Variants in TBC1D16 observed in about 807,000 individuals in gnomAD.
TBC1D16 encodes the protein TBC1 domain family member 16, also known as CTD-2529O21.1.
A neutral mutation model predicts 74.7 loss-of-function variants in TBC1D16; 58 were observed. That is an observed-to-expected ratio of 0.78 (90% CI 0.63 to 0.97). The LOEUF (loss-of-function observed/expected upper bound fraction) is 0.97, where lower values mean the gene tolerates loss of function less well. TBC1D16 is among the 50% of genes least tolerant of loss of function. The pLI is 0.00. For synonymous variants in TBC1D16, 493 were observed against 474.7 expected, an observed-to-expected ratio of 1.04 and a Z score of -0.50; for missense variants, 1,014 against 1,079.5, an observed-to-expected ratio of 0.94 and a Z score of 0.85.
chr17:79,969,151 C>T (rs1220312145), intron 3 of TBC1D16, among the ~76,000 whole-genome samples: 1 of 152,144 alleles, frequency 6.6e-6, no homozygotes, highest in Non-Finnish European at 1.5e-5. Context: ...CTTTGGGAGG[C>T]CAAGGTGGGC....
Position 79,940,943 on chromosome 17 carries a change from C to A in TBC1D16, c.2220G>T (p.Thr740=), listed in dbSNP as rs773468374. 1 of 1,598,464 alleles carries A rather than the reference C, an allele frequency of 6.3e-7. No individual in the cohort carries two copies. The highest frequency in any genetic ancestry group is 1.1e-5 in the South Asian group (1 of 88,990). ...GGGACTTGGGGGAAGGCATCTCCAC[C>A]GTGCCCCCGTAGGGACAGCTCTCCG... ...PGSESCPYGG[T]VEMPSPKSLR... is the part of the protein sequence containing the mutation. The change falls in exon 12 of 12, where the codon ACG becomes ACT. Residue 740 remains threonine, a synonymous_variant. Coordinates refer to ENST00000310924, the MANE Select transcript of TBC1D16 (RefSeq NM_019020.4). The surrounding 1 kb of genome is among the most constrained non-coding windows in gnomAD (Gnocchi z 5.4).
chr17:80,024,654 T>TACCACACACC (rs1568648898), intron 1 of TBC1D16, among the ~76,000 whole-genome samples: 6 of 5,962 alleles, frequency 1.0e-3, no homozygotes, highest in South Asian at 3.3e-3. Flanking sequence ...ACCATAGACA[T>TACCACACACC]ACACACCATA....
chr17:79,960,170 A>C (rs1364473276), intron 3 of TBC1D16, among the ~76,000 whole-genome samples: 4 of 152,184 alleles, frequency 2.6e-5, no homozygotes, highest in Non-Finnish European at 5.9e-5. Context: ...TATTTGCCAA[A>C]TGCTTATATG....
rs2031838269 is a variant in TBC1D16 at position 79,939,825 on chromosome 17, A to G, written c.*1034T>C. 1.3e-5 allele frequency: 2 copies of G among 152,186 alleles called. No homozygotes were observed. Among genetic ancestry groups the G allele is most frequent in the Admixed American group, 6.5e-5 (1 of 15,282 alleles). 9.4% of individuals were successfully genotyped at this position (152,186 alleles called of 1,614,324 possible). A position where few individuals can be genotyped will look rare whatever the true frequency, so the allele number is the denominator to read the frequency against. ...GACCACCTGAGAAGCTGACTTACAT[A>G]TCTGAGTTCACAGGTCCTGAAGGGA... On this transcript the variant is annotated 3_prime_UTR_variant, in exon 12 of 12. Transcript: ENST00000310924.
chr17:79,940,010 C>T lies in TBC1D16; in HGVS notation c.*849G>A, dbSNP rs2031850803. 6.6e-6 allele frequency: 1 copy of T among 152,194 alleles called. No homozygotes were observed. The highest frequency in any genetic ancestry group is 6.5e-5 in the Admixed American group (1 of 15,278). The allele number at this position is 152,194 out of a possible 1,614,324, so 9.4% of individuals were successfully genotyped here. A position where few individuals can be genotyped will look rare whatever the true frequency, so the allele number is the denominator to read the frequency against. ...GCATGCACGCAGGGACACACGCACA[C>T]ATCGACCCATTCAAGCCCCAGCTGG... On this transcript the variant is annotated 3_prime_UTR_variant, in exon 12 of 12. Transcript: ENST00000310924. The surrounding 1 kb of genome is among the most constrained non-coding windows in gnomAD (Gnocchi z 5.4).
At chr17:79,968,138 G>A (rs1315889884) in intron 3 of TBC1D16, among the ~76,000 whole-genome samples, 5 of 152,132 alleles carry the variant, frequency 3.3e-5, no homozygotes, top group African/African-American at 7.2e-5. Context: ...GATTACAGGC[G>A]TGCGCCACCA....
Position 79,954,711 on chromosome 17 carries a change from G to A in TBC1D16, c.780-1893C>T, listed in dbSNP as rs569139916. Among the ~76,000 whole-genome samples the A allele has an allele frequency of 3.9e-4, 59 of 152,270 alleles. No individual in the cohort carries two copies. In the South Asian group the frequency reaches 5.6e-3, roughly 14 times the overall value. ...CCTTCTGTCATCTGCTCATTGAACC[G>A]CGGGGCTGCTGTGACTGTGAGAGCT... On this transcript the variant is annotated intron_variant, in intron 3 of 11. Transcript: ENST00000310924. This position sits in a 1 kb window ranked among gnomAD's most constrained non-coding sequence, Gnocchi z 5.5.
In TBC1D16 at chr17:79,941,462, CT is replaced by C. The variant is rs1336704051; in HGVS notation, c.2056-356del. Among the ~76,000 whole-genome samples the C allele has an allele frequency of 8.5e-6, 1 of 117,352 alleles. No homozygotes were observed. The highest frequency in any genetic ancestry group is 3.3e-4 in the East Asian group (1 of 3,014). The allele number at this position is 117,352 out of a possible 152,430, so 77.0% of individuals were successfully genotyped here. A position where few individuals can be genotyped will look rare whatever the true frequency, so the allele number is the denominator to read the frequency against. On this transcript the variant is annotated intron_variant, in intron 11 of 11. Coordinates refer to ENST00000310924, the MANE Select transcript of TBC1D16 (RefSeq NM_019020.4). This position sits in a 1 kb window ranked among gnomAD's most constrained non-coding sequence, Gnocchi z 4.3. ...CCCACCTGTCCCTTTGGCAGCACCC[CT>C]CTCTTCTTCCCCCGCACCTTGCTCC...
rs548231863 is a variant in TBC1D16 at position 79,984,075 on chromosome 17, G to A, written c.779+26085C>T. Among the ~76,000 whole-genome samples the A allele has an allele frequency of 5.0e-4, 65 of 129,368 alleles. 1 individual carries two copies. In the South Asian group the frequency reaches 0.015, roughly 30 times the overall value. 84.9% of individuals were successfully genotyped at this position (129,368 alleles called of 152,430 possible). ...TACAGAGATGGCGGGGTGGGGGGGC[G>A]GGGGTCTCATTTGTTGCCCAGGCTG... On this transcript the variant is annotated intron_variant, in intron 3 of 11. Coordinates refer to ENST00000310924, the MANE Select transcript of TBC1D16 (RefSeq NM_019020.4).
chr17:79,948,899 T>TC lies in TBC1D16; in HGVS notation c.1513dup (p.Glu505GlyfsTer43), dbSNP rs759141475. The TC allele has an allele frequency of 3.3e-5, 53 of 1,613,784 alleles. No homozygotes were observed. Among genetic ancestry groups the TC allele is most frequent in the African/African-American group, 8.0e-5 (6 of 74,842 alleles). ...CATGCTCTCCACATTGGGATTGTCT[T>TC]CCCCCCGGAAGAACTGGTTGTTCCG... On this transcript the variant is annotated frameshift_variant, in exon 8 of 12. Coordinates refer to ENST00000310924, the MANE Select transcript of TBC1D16 (RefSeq NM_019020.4). LOFTEE classifies it high-confidence loss of function.
intron 1 of TBC1D16, among the ~76,000 whole-genome samples, chr17:80,030,577 G>A (rs2036741218): frequency 6.6e-6 from 1 of 152,240 alleles, no homozygotes; most frequent in Non-Finnish European, 1.5e-5. Flanking sequence ...GGAGCCACTA[G>A]GAGAGAGGTA....
At chr17:80,020,341 T>C (rs2036242759) in intron 1 of TBC1D16, among the ~76,000 whole-genome samples, 1 of 150,032 alleles carries the variant, frequency 6.7e-6, no homozygotes, top group South Asian at 2.1e-4. Flanking sequence ...CCCAGCACTT[T>C]GGAAGACTGA....
intron 1 of TBC1D16, among the ~76,000 whole-genome samples, chr17:80,034,161 G>A (rs1264507276): frequency 1.3e-5 from 2 of 151,624 alleles, no homozygotes; most frequent in African/African-American, 4.9e-5. Flanking sequence ...AAAATTGCTA[G>A]AGGATTAAAT....
At chr17:80,027,415 G>A (rs1000120125) in intron 1 of TBC1D16, among the ~76,000 whole-genome samples, 1 of 152,108 alleles carries the variant, frequency 6.6e-6, no homozygotes. Flanking sequence ...TGGGGGACAT[G>A]GAGAAACCTT....
chr17:79,943,790 G>A (rs1331262351), intron 10 of TBC1D16: 24 of 1,247,652 alleles, frequency 1.9e-5, no homozygotes, highest in Admixed American at 3.7e-5. Flanking sequence ...CCCATCTGCC[G>A]GGCCACGCGC....
At chr17:80,002,403 G>A (rs566842692) in intron 3 of TBC1D16, among the ~76,000 whole-genome samples, 35 of 152,360 alleles carry the variant, frequency 2.3e-4, no homozygotes, top group East Asian at 7.7e-4. Flanking sequence ...CACGCCCTGC[G>A]GGGTGGGCTG....
At chr17:79,966,668 T>C (rs917409911) in intron 3 of TBC1D16, among the ~76,000 whole-genome samples, 1 of 152,244 alleles carries the variant, frequency 6.6e-6, no homozygotes, top group Non-Finnish European at 1.5e-5. Context: ...GGAAAATCCT[T>C]AGAAACTTAT....
Position 80,010,120 on chromosome 17 carries a change from G to A in TBC1D16, c.779+40C>T. The A allele has an allele frequency of 1.3e-6, 2 of 1,531,244 alleles. No homozygotes were observed. The highest frequency in any genetic ancestry group is 1.2e-5 in the South Asian group (1 of 81,542). The allele number at this position is 1,531,244 out of a possible 1,614,324, so 94.9% of individuals were successfully genotyped here. A position where few individuals can be genotyped will look rare whatever the true frequency, so the allele number is the denominator to read the frequency against. On this transcript the variant is annotated intron_variant, in intron 3 of 11. Transcript: ENST00000310924. This position sits in a 1 kb window ranked among gnomAD's most constrained non-coding sequence, Gnocchi z 8.8. ...TGCTTCCTGCCCAGGTCAGGCCTTGGGGGCCTCCCGAGAGCCCACGCCCAG... is the reference window on the plus strand; with the variant it reads ...TGCTTCCTGCCCAGGTCAGGCCTTGAGGGCCTCCCGAGAGCCCACGCCCAG...
In TBC1D16 at chr17:80,000,783, G is replaced by C. The variant is rs540961597; in HGVS notation, c.779+9377C>G. Among the ~76,000 whole-genome samples, 19 of 152,326 alleles carry C rather than the reference G, an allele frequency of 1.2e-4. No homozygotes were observed. Among genetic ancestry groups the C allele is most frequent in the African/African-American group, 4.3e-4 (18 of 41,576 alleles). ...TCACAGAGGAGTAAACTGAGGTACA[G>C]AGTGGTTCAACACCGTCCAAGGCCA... On this transcript the variant is annotated intron_variant, in intron 3 of 11. Transcript: ENST00000310924. This position sits in a 1 kb window ranked among gnomAD's most constrained non-coding sequence, Gnocchi z 4.1.
Sources: allele counts gnomAD v4.1 joint callset (sites outside exome capture counted in the v4.1 genomes callset), GRCh38; gene constraint gnomAD v4.1.1; non-coding constraint Gnocchi (gnomAD v3.1); transcripts MANE v1.5; gene names NCBI Gene and HGNC (gene_info 2026-07-23, HGNC 2026-07-21).